The following IL1RAPL1 variants were observed in gnomAD, a reference collection of about 807,000 sequenced individuals.
IL1RAPL1 encodes interleukin 1 receptor accessory protein like 1, also known as interleukin-1 receptor accessory protein-like 1.
Under a neutral mutation model 48.4 loss-of-function variants are expected in IL1RAPL1, and 3 were observed. That is an observed-to-expected ratio of 0.06 (90% confidence interval 0.03 to 0.16). IL1RAPL1 has a LOEUF of 0.16. IL1RAPL1 is among the 10% of genes least tolerant of loss of function. IL1RAPL1 has a pLI of 1.00. For missense variants in IL1RAPL1, 349 were observed against 530.6 expected (o/e 0.66, Z 3.36); for synonymous variants, 185 against 187.7 (o/e 0.99, Z 0.12).
intron 2 of IL1RAPL1, among the ~76,000 whole-genome samples, chrX:29,205,436 A>G (rs772152477): frequency 9.0e-6 from 1 of 111,652 alleles, no homozygotes; most frequent in Admixed American, 9.6e-5. Context: ...CTGGTCATAT[A>G]TATATTGATG....
chrX:29,441,171 G>A (rs1934543336), intron 5 of IL1RAPL1, among the ~76,000 whole-genome samples: 1 of 111,167 alleles, frequency 9.0e-6, no homozygotes, highest in African/African-American at 3.3e-5. Context: ...TACTAGACAT[G>A]TTCACTGGAA....
intron 1 of IL1RAPL1, among the ~76,000 whole-genome samples, chrX:28,736,115 T>A (rs1236532452): frequency 1.8e-5 from 2 of 111,617 alleles, no homozygotes; most frequent in African/African-American, 6.5e-5. Flanking sequence ...TCAATTAGAA[T>A]GTATACAATC....
chrX:29,903,314 T>A (rs981453656), intron 6 of IL1RAPL1, among the ~76,000 whole-genome samples: 10 of 111,547 alleles, frequency 9.0e-5, no homozygotes, highest in African/African-American at 3.3e-4. Flanking sequence ...TTTGCTTTTA[T>A]CTTAAATGGG....
chrX:28,859,210 A>G (rs1309807727), intron 2 of IL1RAPL1, among the ~76,000 whole-genome samples: 1 of 112,152 alleles, frequency 8.9e-6, no homozygotes, highest in Non-Finnish European at 1.9e-5. Flanking sequence ...TTAAACATAC[A>G]TGCAGTTATA....
At chrX:28,786,907 A>G (rs1936481610) in intron 1 of IL1RAPL1, among the ~76,000 whole-genome samples, 1 of 112,277 alleles carries the variant, frequency 8.9e-6, no homozygotes. Flanking sequence ...CAACAAGGAT[A>G]GCAAAACTTG....
chrX:28,997,552 T>A (rs778473316), intron 2 of IL1RAPL1, among the ~76,000 whole-genome samples: 1 of 111,430 alleles, frequency 9.0e-6, no homozygotes, highest in Admixed American at 9.6e-5. Context: ...TTTGGCATAC[T>A]GGCATACTTA....
intron 6 of IL1RAPL1, among the ~76,000 whole-genome samples, chrX:29,709,638 T>C (rs1420749300): frequency 9.0e-6 from 1 of 111,706 alleles, no homozygotes; most frequent in Non-Finnish European, 1.9e-5. Flanking sequence ...TGTTTGCTTT[T>C]GCTTTTTGGA....
chrX:29,398,164 C>G (rs1006454258), intron 4 of IL1RAPL1, among the ~76,000 whole-genome samples: 1 of 112,122 alleles, frequency 8.9e-6, no homozygotes, highest in Non-Finnish European at 1.9e-5. Flanking sequence ...AGATGTCACA[C>G]ATTCAGTGGA....
chrX:29,655,851 TAA>T (rs1315951893), intron 5 of IL1RAPL1, among the ~76,000 whole-genome samples: 2 of 110,832 alleles, frequency 1.8e-5, no homozygotes, highest in Non-Finnish European at 1.9e-5. Flanking sequence ...CCCCAAAACA[TAA>T]GTGTTAATTT....
chrX:29,516,159 A>G (rs1298092889), intron 5 of IL1RAPL1, among the ~76,000 whole-genome samples: 1 of 112,163 alleles, frequency 8.9e-6, no homozygotes, highest in Non-Finnish European at 1.9e-5. Flanking sequence ...TGTAGGAAAT[A>G]CTTACTTAGC....
At chrX:29,569,818 G>T (rs1922537897) in intron 5 of IL1RAPL1, among the ~76,000 whole-genome samples, 1 of 111,936 alleles carries the variant, frequency 8.9e-6, no homozygotes, top group Non-Finnish European at 1.9e-5. Flanking sequence ...ATATTTCCAG[G>T]AAAATATCAG....
At chrX:29,458,373 AC>A (rs1015113415) in intron 5 of IL1RAPL1, among the ~76,000 whole-genome samples, 2 of 111,785 alleles carry the variant, frequency 1.8e-5, no homozygotes, top group Non-Finnish European at 3.8e-5. Flanking sequence ...GTTAGGTAAC[AC>A]ATTTAAATAA....
At chrX:28,924,473 A>G (rs1325814204) in intron 2 of IL1RAPL1, among the ~76,000 whole-genome samples, 3 of 112,070 alleles carry the variant, frequency 2.7e-5, no homozygotes, top group African/African-American at 9.7e-5. Context: ...ATAGAAGTAC[A>G]TTGAATCAGT....
intron 6 of IL1RAPL1, among the ~76,000 whole-genome samples, chrX:29,821,562 A>C (rs189553512): frequency 1.8e-5 from 2 of 112,819 alleles, no homozygotes; most frequent in East Asian, 5.5e-4. Context: ...GGTCACTTAC[A>C]AGAAACCACT....
intron 2 of IL1RAPL1, among the ~76,000 whole-genome samples, chrX:28,816,818 A>G (rs1194950033): frequency 9.0e-6 from 1 of 110,553 alleles, no homozygotes. Context: ...ATATATCCAC[A>G]AGCTGCTTTC....
intron 1 of IL1RAPL1, among the ~76,000 whole-genome samples, chrX:28,702,059 G>A (rs758406005): frequency 9.0e-6 from 1 of 111,502 alleles, no homozygotes; most frequent in East Asian, 2.8e-4. Context: ...CTAAAGTCTT[G>A]TATTGAGAGT....
Position 29,616,582 on chromosome X carries a change from TG to T in IL1RAPL1, c.704-51846del, listed in dbSNP as rs751180845. 5.6e-5 allele frequency among the ~76,000 whole-genome samples: 6 copies of T among 107,858 alleles called. No individual in the cohort carries two copies. The South Asian group carries it at 2.6e-3, about 46-fold the overall frequency. 93.7% of individuals were successfully genotyped at this position (107,858 alleles called of 115,157 possible). Reference sequence around the variant, plus strand: ...CCTATGAGTGAGAACATGCGGTGTTTGGTTTTTTGTCCTTGTAGTAGTTTGC... The same window carrying T: ...CCTATGAGTGAGAACATGCGGTGTTTGTTTTTTGTCCTTGTAGTAGTTTGC... On this transcript the variant is annotated intron_variant, in intron 5 of 10. Transcript: ENST00000378993.
chrX:29,803,967 T>A (rs1930190749), intron 6 of IL1RAPL1, among the ~76,000 whole-genome samples: 1 of 111,267 alleles, frequency 9.0e-6, no homozygotes, highest in Non-Finnish European at 1.9e-5. Flanking sequence ...TTTAATATGC[T>A]TGATTATAGT....
intron 5 of IL1RAPL1, among the ~76,000 whole-genome samples, chrX:29,426,998 T>TA (rs35208878): frequency 1.3e-3 from 138 of 103,952 alleles, no homozygotes; most frequent in South Asian, 6.3e-3. Context: ...AAAACCTTTT[T>TA]AAAAAAAAAA....
Sources: gnomAD v4.1 joint callset for allele counts (sites outside exome capture counted in the v4.1 genomes callset) on GRCh38, gnomAD v4.1.1 for gene constraint, MANE v1.5 for transcripts, NCBI Gene and HGNC (gene_info 2026-07-23, HGNC 2026-07-21) for gene names.